GUCY1A2: variants seen among roughly 807,000 people sequenced by gnomAD.
The protein encoded by GUCY1A2 is guanylate cyclase 1 soluble subunit alpha 2.
GUCY1A2 carries 27 observed loss-of-function variants against 63.5 expected under a neutral mutation model. That is an observed-to-expected ratio of 0.43 (90% CI 0.31 to 0.59). The LOEUF (loss-of-function observed/expected upper bound fraction) is 0.59. GUCY1A2 is among the 20% of genes least tolerant of loss of function. The probability of loss-of-function intolerance (pLI) is 0.11; values close to 1 mark genes in which losing one functional copy is unlikely to be tolerated. For missense variants in GUCY1A2, 768 were observed against 913.3 expected (o/e 0.84, Z 2.05); for synonymous variants, 364 against 343.5 (o/e 1.06, Z -0.66).
At chr11:106,980,818 C>T (rs767315399) in intron 2 of GUCY1A2, among the ~76,000 whole-genome samples, 2 of 152,114 alleles carry the variant, frequency 1.3e-5, no homozygotes, top group Non-Finnish European at 2.9e-5. Flanking sequence ...CTACAGTTTC[C>T]AGAATGCAGG....
chr11:106,703,529 GGAA>G (rs34454709), intron 7 of GUCY1A2, among the ~76,000 whole-genome samples: 26,555 of 151,872 alleles, frequency 0.17, 3,600 homozygotes, highest in African/African-American at 0.37. Flanking sequence ...CTTTGATGAT[GGAA>G]GAAGAAGGTT....
chr11:106,955,066 A>G (rs1295169622), intron 3 of GUCY1A2, among the ~76,000 whole-genome samples: 1 of 151,708 alleles, frequency 6.6e-6, no homozygotes, highest in Non-Finnish European at 1.5e-5. Flanking sequence ...GCAACCTCCC[A>G]GGTTCAAGCA....
chr11:106,940,139 T>A lies in GUCY1A2; in HGVS notation c.527A>T (p.Glu176Val). The A allele has an allele frequency of 6.2e-7, 1 of 1,602,704 alleles. No homozygotes were observed. The highest frequency in any genetic ancestry group is 1.1e-5 in the South Asian group (1 of 89,572). Residue 176 changes from glutamate (E) to valine (V), a missense_variant, in exon 4 of 8, where the codon GAG (glutamate) becomes GTG (valine). By Grantham distance (121) the Glu-to-Val change is moderately radical (BLOSUM62 -2). Coordinates refer to ENST00000526355, the MANE Select transcript of GUCY1A2 (RefSeq NM_000855.3). ...FEEIQKRFGE[E>V]FFNICFHENE... ...CTCATGAAAGCATATATTAAAGAAC[T>A]CTTCACCAAATCTTTTTTGAATTTC...
rs745416381 is a variant in GUCY1A2, at chr11:107,017,740, GC to G, written c.303+12del. ...TCCCCCGAAGGCGGTCCCCCCTTCC[GC>G]CCCCCGCTCACCGAGGGCGCCGTCA... On this transcript the variant is annotated intron_variant, in intron 1 of 7. Coordinates refer to ENST00000526355, the MANE Select transcript of GUCY1A2 (RefSeq NM_000855.3). 7 of 1,371,532 alleles carry G rather than the reference GC, an allele frequency of 5.1e-6. No homozygotes were observed. The highest frequency in any genetic ancestry group is 5.8e-5 in the Admixed American group (2 of 34,308). The allele number at this position is 1,371,532 out of a possible 1,614,324, so 85.0% of individuals were successfully genotyped here. A position where few individuals can be genotyped will look rare whatever the true frequency, so the allele number is the denominator to read the frequency against.
chr11:106,881,344 T>C (rs1859820617), intron 4 of GUCY1A2, among the ~76,000 whole-genome samples: 1 of 152,078 alleles, frequency 6.6e-6, no homozygotes, highest in South Asian at 2.1e-4. Flanking sequence ...AAGATGGCCA[T>C]AACTCAGTAA....
At chr11:107,013,795 A>T (rs564144749) in intron 1 of GUCY1A2, among the ~76,000 whole-genome samples, 66 of 152,294 alleles carry the variant, frequency 4.3e-4, no homozygotes, top group African/African-American at 1.6e-3. Context: ...TGACAAATAA[A>T]ACTTCCCCTA....
At chr11:106,792,778 C>T (rs1400019539) in intron 5 of GUCY1A2, among the ~76,000 whole-genome samples, 1 of 151,976 alleles carries the variant, frequency 6.6e-6, no homozygotes, top group Non-Finnish European at 1.5e-5. Flanking sequence ...AATGATCCCA[C>T]TTAAAGTAGC....
At chr11:106,832,247 A>G (rs2135437656) in intron 4 of GUCY1A2, among the ~76,000 whole-genome samples, 1 of 152,266 alleles carries the variant, frequency 6.6e-6, no homozygotes, top group South Asian at 2.1e-4. Context: ...AGTATTCTCT[A>G]AATAATTTAA....
rs113859831 is a variant in GUCY1A2 at position 107,000,360 on chromosome 11, T to C, written c.304-14229A>G. On this transcript the variant is annotated intron_variant, in intron 1 of 7. Transcript: ENST00000526355. ...CCTCATATCTGTCTGAAGCTTCAAATGGAATTACAATAGTCTGTATCTAAG... is the reference window on the plus strand; with the variant it reads ...CCTCATATCTGTCTGAAGCTTCAAACGGAATTACAATAGTCTGTATCTAAG... 9.2e-3 allele frequency among the ~76,000 whole-genome samples: 1,406 copies of C among 152,210 alleles called. 18 individuals are homozygous for C. The highest frequency in any genetic ancestry group is 0.031 in the African/African-American group (1,294 of 41,528).
rs539530375 is a variant in GUCY1A2, at chr11:106,800,480, A to T, written c.1692+9513T>A. On this transcript the variant is annotated intron_variant, in intron 5 of 7. Transcript: ENST00000526355. ...ACTATTCACAATAGCAAAGACTTGG[A>T]ACCAACCCAAATGTCCATCAATGAT... 1.2e-4 allele frequency among the ~76,000 whole-genome samples: 18 copies of T among 152,330 alleles called. No homozygotes were observed. The East Asian group carries it at 3.3e-3, about 28-fold the overall frequency.
intron 3 of GUCY1A2, among the ~76,000 whole-genome samples, chr11:106,972,088 T>C (rs1269504284): frequency 3.3e-5 from 5 of 152,076 alleles, no homozygotes; most frequent in Non-Finnish European, 7.4e-5. Context: ...AACATAAGTC[T>C]GAGAAATTGT....
intron 1 of GUCY1A2, among the ~76,000 whole-genome samples, chr11:107,014,575 G>A (rs562365223): frequency 4.6e-5 from 7 of 152,172 alleles, no homozygotes; most frequent in African/African-American, 1.4e-4. Context: ...AATAGTATTA[G>A]AAATTATTAT....
intron 4 of GUCY1A2, among the ~76,000 whole-genome samples, chr11:106,881,008 T>C (rs1859815577): frequency 6.6e-6 from 1 of 152,112 alleles, no homozygotes; most frequent in African/African-American, 2.4e-5. Flanking sequence ...ACTGTAATAA[T>C]TTCCTATTTA....
intron 7 of GUCY1A2, among the ~76,000 whole-genome samples, chr11:106,696,856 A>G (rs1862728972): frequency 6.6e-6 from 1 of 152,194 alleles, no homozygotes. Context: ...GAGAAGAGGT[A>G]TAGGTAGGCT....
chr11:106,813,468 G>A (rs1468633654), intron 4 of GUCY1A2, among the ~76,000 whole-genome samples: 3 of 151,990 alleles, frequency 2.0e-5, no homozygotes, highest in Non-Finnish European at 4.4e-5. Flanking sequence ...ATAGTTCTAT[G>A]AAAATATTCA....
At chr11:106,954,974 GTCTTTTTTTTT>G (rs1311582032) in intron 3 of GUCY1A2, among the ~76,000 whole-genome samples, 3 of 136,972 alleles carry the variant, frequency 2.2e-5, no homozygotes, top group East Asian at 4.3e-4. Context: ...GCCAGTCTGT[GTCTTTTTTTTT>G]TCTTTTTTTT....
At chr11:106,850,158 A>C (rs1291675604) in intron 4 of GUCY1A2, among the ~76,000 whole-genome samples, 2 of 151,630 alleles carry the variant, frequency 1.3e-5, no homozygotes, top group Non-Finnish European at 3.0e-5. Context: ...CTTCTAAGAG[A>C]TTTATTAATA....
intron 3 of GUCY1A2, among the ~76,000 whole-genome samples, chr11:106,974,198 G>T (rs1253768296): frequency 6.6e-6 from 1 of 151,976 alleles, no homozygotes; most frequent in South Asian, 2.1e-4. Flanking sequence ...AAATTGATCA[G>T]TTACCAAGTT....
chr11:106,994,742 C>G (rs1479813280), intron 1 of GUCY1A2, among the ~76,000 whole-genome samples: 1 of 152,194 alleles, frequency 6.6e-6, no homozygotes, highest in Non-Finnish European at 1.5e-5. Flanking sequence ...CTGTCACAAG[C>G]TGCATCCTCC....
Sources: allele counts gnomAD v4.1 joint callset (sites outside exome capture counted in the v4.1 genomes callset), GRCh38; gene constraint gnomAD v4.1.1; transcripts MANE v1.5; gene names NCBI Gene and HGNC (gene_info 2026-07-23, HGNC 2026-07-21).